The following CPAMD8 variants were observed in gnomAD, a reference collection of about 807,000 sequenced individuals.
CPAMD8 encodes the protein C3 and PZP like alpha-2-macroglobulin domain containing 8, also known as C3 and PZP-like alpha-2-macroglobulin domain-containing protein 8.
A neutral mutation model predicts 224.7 loss-of-function variants in CPAMD8; 146 were observed. That is an observed-to-expected ratio of 0.65 (90% CI 0.57 to 0.75). The LOEUF is 0.75. CPAMD8 is among the 30% of genes least tolerant of loss of function. CPAMD8 has a pLI of 0.00. For synonymous variants in CPAMD8, 966 were observed against 1,044.6 expected (o/e 0.92, Z 1.45); for missense variants, 2,301 against 2,537.5 (o/e 0.91, Z 2.00).
intron 32 of CPAMD8, 102 bp downstream of exon 32, chr19:16,904,124 G>A: frequency 7.7e-7 from 1 of 1,294,892 alleles, no homozygotes; most frequent in Non-Finnish European, 1.1e-6. Context: ...CATAAGGTGA[G>A]AAGGGGCCAG....
chr19:16,987,821 T>TTTTTTG (rs976637796), intron 13 of CPAMD8, among the ~76,000 whole-genome samples: 3 of 151,640 alleles, frequency 2.0e-5, no homozygotes, highest in East Asian at 1.9e-4. Flanking sequence ...CGGCTGGGGT[T>TTTTTTG]TTTTTGTTTT....
intron 27 of CPAMD8, 104 bp downstream of exon 27, chr19:16,921,800 TC>T: frequency 1.4e-6 from 1 of 711,870 alleles, no homozygotes; most frequent in African/African-American, 1.8e-5. Flanking sequence ...TTCCCTGTCA[TC>T]CGGGGATCAG....
chr19:16,989,842 G>T, intron 12 of CPAMD8, 71 bp from the exon 13 acceptor site: 2 of 1,454,072 alleles, frequency 1.4e-6, no homozygotes, highest in Non-Finnish European at 1.9e-6. Flanking sequence ...GGATGCTTCT[G>T]CTTGCTCTGC....
At position 16,899,966 on chromosome 19, in the gene CPAMD8, A is replaced by G. The variant is rs1319665653; in HGVS notation, c.4774-417T>C. 1.3e-5 allele frequency among the ~76,000 whole-genome samples: 2 copies of G among 149,902 alleles called. No homozygotes were observed. The highest frequency in any genetic ancestry group is 4.9e-5 in the African/African-American group (2 of 40,544). ...CCACTCCAAGGCCTCTGAATTGACC[A>G]CATCCTCATCCCCTGGTGCTCCGTG... On this transcript the variant is annotated intron_variant, in intron 36 of 41. Transcript: ENST00000443236. The surrounding 1 kb of genome is among the most constrained non-coding windows in gnomAD (Gnocchi z 5.4).
chr19:16,964,272 A>T (rs2054750817), intron 18 of CPAMD8, among the ~76,000 whole-genome samples: 1 of 152,178 alleles, frequency 6.6e-6, no homozygotes, highest in African/African-American at 2.4e-5. Flanking sequence ...GAAAAGATCA[A>T]CAAAATTGAT....
chr19:16,952,254 A>AG, intron 19 of CPAMD8, 54 bp from the exon 20 acceptor site: 1 of 1,033,076 alleles, frequency 9.7e-7, no homozygotes, highest in Non-Finnish European at 1.5e-6. Flanking sequence ...GCCATGCCTC[A>AG]GGGGGGCCAG....
chr19:16,956,158 C>T (rs895646056), intron 19 of CPAMD8, among the ~76,000 whole-genome samples: 3 of 152,096 alleles, frequency 2.0e-5, no homozygotes, highest in African/African-American at 7.2e-5. Context: ...CACCCCTAAC[C>T]CCACCCCCAC....
chr19:16,962,813 AG>A (rs200034857), intron 18 of CPAMD8, among the ~76,000 whole-genome samples: 27,857 of 152,182 alleles, frequency 0.18, 2,832 homozygotes, highest in Admixed American at 0.25. Flanking sequence ...TTAACCACAA[AG>A]GGAAGCCCAT....
Position 17,022,142 on chromosome 19 carries a change from G to T in CPAMD8, c.132C>A (p.Gly44=), listed in dbSNP as rs376924195. The part of the protein sequence containing the change: ...LIAAPSVFRA[G]VEEVISVTIF... ...TGGTCACGCTGATGACTTCCTCCAC[G>T]CCCGCGCGAAAAACAGAGGGAGCTG... The change falls in exon 2 of 42, where the codon GGC becomes GGA. Residue 44 remains glycine (G), a synonymous_variant. Coordinates refer to ENST00000443236, the MANE Select transcript of CPAMD8 (RefSeq NM_015692.5). The T allele has an allele frequency of 1.2e-6, 2 of 1,609,690 alleles. No homozygotes were observed. Among genetic ancestry groups the T allele is most frequent in the Admixed American group, 1.7e-5 (1 of 59,620 alleles).
intron 16 of CPAMD8, 54 bp from the exon 17 acceptor site, chr19:16,975,312 AACT>A (rs1319296193): frequency 6.8e-7 from 1 of 1,474,664 alleles, no homozygotes; most frequent in African/African-American, 1.4e-5. Context: ...TTACAACCCA[AACT>A]GGCTCCCGTG....
chr19:16,948,699 A>G (rs1287475076), intron 20 of CPAMD8, among the ~76,000 whole-genome samples: 1 of 150,406 alleles, frequency 6.6e-6, no homozygotes, highest in South Asian at 2.1e-4. Flanking sequence ...ACACCACTGC[A>G]CTCCAGCCTG....
At chr19:16,948,847 A>G (rs1278756122) in intron 20 of CPAMD8, among the ~76,000 whole-genome samples, 2 of 102,404 alleles carry the variant, frequency 2.0e-5, no homozygotes, top group Non-Finnish European at 4.0e-5. Context: ...AGAAGGGAAG[A>G]GAAGGGAAGG....
At chr19:16,912,326 G>T (rs2052759951) in intron 29 of CPAMD8, among the ~76,000 whole-genome samples, 2 of 152,174 alleles carry the variant, frequency 1.3e-5, no homozygotes, top group African/African-American at 2.4e-5. Context: ...GCCCTGCAGG[G>T]CAGGCCTTCA....
intron 18 of CPAMD8, among the ~76,000 whole-genome samples, chr19:16,970,009 C>G (rs959520297): frequency 6.7e-6 from 1 of 150,052 alleles, no homozygotes; most frequent in Non-Finnish European, 1.5e-5. Context: ...CCAAGGTGGG[C>G]GAATCACAAG....
intron 3 of CPAMD8, among the ~76,000 whole-genome samples, chr19:17,018,067 T>C (rs1048916324): frequency 1.3e-5 from 2 of 151,054 alleles, no homozygotes; most frequent in Non-Finnish European, 2.9e-5. Context: ...AAGACCACTG[T>C]CCTGCAGCAA....
chr19:16,903,538 C>T lies in CPAMD8; in HGVS notation c.4470+23G>A, dbSNP rs559286428. 15 of 1,613,898 alleles carry T rather than the reference C, an allele frequency of 9.3e-6. No individual in the cohort carries two copies. The South Asian group carries it at 9.9e-5, about 11-fold the overall frequency. Reference sequence around the variant, plus strand: ...GCACAGGAGGACAAGCCCAAGATCACCTCGTGCTCCCCAAAACCTCACCTG... The same window carrying T: ...GCACAGGAGGACAAGCCCAAGATCATCTCGTGCTCCCCAAAACCTCACCTG... On this transcript the variant is annotated intron_variant, in intron 34 of 41. Coordinates refer to ENST00000443236, the MANE Select transcript of CPAMD8 (RefSeq NM_015692.5).
At chr19:16,896,699 C>A (rs780403285) in intron 39 of CPAMD8, 34 bp from the exon 40 acceptor site, 17 of 1,343,482 alleles carry the variant, frequency 1.3e-5, no homozygotes, top group Non-Finnish European at 1.6e-5. Context: ...AGACCCCCCA[C>A]CCTGAACCTT....
intron 22 of CPAMD8, among the ~76,000 whole-genome samples, chr19:16,939,933 G>A (rs1479291387): frequency 6.6e-6 from 1 of 151,126 alleles, no homozygotes; most frequent in Admixed American, 6.6e-5. Flanking sequence ...TTTTTTTTTA[G>A]ATGGAGTCTC....
At chr19:16,999,490 C>T (rs1209968957) in intron 10 of CPAMD8, among the ~76,000 whole-genome samples, 12 of 150,810 alleles carry the variant, frequency 8.0e-5, no homozygotes, top group Non-Finnish European at 1.5e-5. Flanking sequence ...GAGGCTGAGG[C>T]AGGAGAATGG....
Sources: allele counts gnomAD v4.1 joint callset (sites outside exome capture counted in the v4.1 genomes callset), GRCh38; gene constraint gnomAD v4.1.1; non-coding constraint Gnocchi (gnomAD v3.1); transcripts MANE v1.5; gene names NCBI Gene and HGNC (gene_info 2026-07-23, HGNC 2026-07-21).